Variants in MYO1E observed in about 807,000 individuals in gnomAD.
MYO1E encodes the protein unconventional myosin-Ie.
MYO1E carries 68 observed loss-of-function variants against 151.1 expected under a neutral mutation model. That is an observed-to-expected ratio of 0.45 (90% CI 0.37 to 0.55). The LOEUF (loss-of-function observed/expected upper bound fraction) is 0.55, where lower values mean the gene tolerates loss of function less well. Ranked by LOEUF, MYO1E falls within the 20% of genes least tolerant of loss-of-function variation. The probability of loss-of-function intolerance (pLI) is 0.00; values close to 1 mark genes in which losing one functional copy is unlikely to be tolerated. For missense variants in MYO1E, 1,363 were observed against 1,389.3 expected, an observed-to-expected ratio of 0.98 and a Z score of 0.30; for synonymous variants, 601 against 501.7, an observed-to-expected ratio of 1.20 and a Z score of -2.64.
At chr15:59,153,950 T>C (rs115074977) in intron 25 of MYO1E, among the ~76,000 whole-genome samples, 159 bp from the exon 26 acceptor site, 310 of 152,296 alleles carry the variant, frequency 2.0e-3, no homozygotes, top group African/African-American at 6.7e-3. Context: ...TGCTAACACA[T>C]TGTGAGAATT....
At chr15:59,337,776 G>C (rs766414161) in intron 1 of MYO1E, among the ~76,000 whole-genome samples, 2 of 152,174 alleles carry the variant, frequency 1.3e-5, no homozygotes, top group Non-Finnish European at 2.9e-5. Flanking sequence ...AGGTTGCAGT[G>C]AGCTGGGATC....
At chr15:59,364,217 C>T (rs1404810244) in intron 1 of MYO1E, among the ~76,000 whole-genome samples, 1 of 152,228 alleles carries the variant, frequency 6.6e-6, no homozygotes, top group Non-Finnish European at 1.5e-5. Flanking sequence ...ACCTAGAGGT[C>T]TGAGTACCCA....
chr15:59,254,745 A>T (rs1204954989), intron 4 of MYO1E, among the ~76,000 whole-genome samples: 3 of 152,208 alleles, frequency 2.0e-5, no homozygotes, highest in Non-Finnish European at 2.9e-5. Context: ...GTATGATAAG[A>T]TTGTGAACTG....
chr15:59,328,124 GA>G (rs2080676917), intron 1 of MYO1E, among the ~76,000 whole-genome samples: 1 of 152,238 alleles, frequency 6.6e-6, no homozygotes, highest in Admixed American at 6.5e-5. Flanking sequence ...CTGGGTGGCA[GA>G]GGTGTCAGCA....
At chr15:59,170,570 G>T (rs1478126158) in intron 22 of MYO1E, among the ~76,000 whole-genome samples, 1 of 151,508 alleles carries the variant, frequency 6.6e-6, no homozygotes, top group African/African-American at 2.4e-5. Flanking sequence ...CAGAAAATCA[G>T]TCAGCGCCTA....
At chr15:59,293,604 T>C (rs1254638889) in intron 1 of MYO1E, among the ~76,000 whole-genome samples, 2 of 152,058 alleles carry the variant, frequency 1.3e-5, no homozygotes, top group Non-Finnish European at 2.9e-5. Context: ...TGTATAAAGC[T>C]AATGAAATTC....
rs779916321 is a variant in MYO1E at position 59,137,373 on chromosome 15, G to A, written c.*7C>T. On this transcript the variant is annotated 3_prime_UTR_variant, in exon 28 of 28. Transcript: ENST00000288235. ...CCTCTGCCCCATGTGTCAGAGTCAC[G>A]GGCACCTCAGATCTTGGTCACATAG... The A allele has an allele frequency of 8.1e-6, 13 of 1,613,582 alleles. No homozygotes were observed. The highest frequency in any genetic ancestry group is 3.3e-5 in the Admixed American group (2 of 59,996).
chr15:59,294,373 A>G (rs1384062232), intron 1 of MYO1E, among the ~76,000 whole-genome samples: 2 of 152,116 alleles, frequency 1.3e-5, no homozygotes, highest in African/African-American at 2.4e-5. Context: ...TTGATAAATC[A>G]CCTCTTATCT....
intron 25 of MYO1E, among the ~76,000 whole-genome samples, chr15:59,154,013 CA>C (rs1370329812): frequency 2.0e-5 from 3 of 152,168 alleles, no homozygotes; most frequent in African/African-American, 7.2e-5. Flanking sequence ...GTATAACTGA[CA>C]AATAAAATTG....
intron 27 of MYO1E, among the ~76,000 whole-genome samples, chr15:59,137,739 C>T (rs2079381737): frequency 6.6e-6 from 1 of 152,204 alleles, no homozygotes; most frequent in African/African-American, 2.4e-5. Flanking sequence ...GTGGGTGGGA[C>T]AGACCTCCCC....
At chr15:59,272,659 C>A (rs1274230963) in intron 1 of MYO1E, among the ~76,000 whole-genome samples, 3 of 152,342 alleles carry the variant, frequency 2.0e-5, no homozygotes, top group Middle Eastern at 3.4e-3. Flanking sequence ...TACCTAAGCT[C>A]ATGTGTCCCT....
intron 4 of MYO1E, among the ~76,000 whole-genome samples, chr15:59,244,423 T>C (rs1335427939): frequency 6.6e-6 from 1 of 152,254 alleles, no homozygotes; most frequent in South Asian, 2.1e-4. Context: ...TATTTCCTCA[T>C]TACACTTTCT....
chr15:59,237,969 G>A lies in MYO1E; in HGVS notation c.333-1297C>T, dbSNP rs116658364. On this transcript the variant is annotated intron_variant, in intron 4 of 27. Transcript: ENST00000288235. ...AGGCGGGAACCATCCTCTGTTCAGA[G>A]CTCATGACCTGCAAAAGTCTGAACC... is the stretch of plus-strand genomic sequence containing the variant. Among the ~76,000 whole-genome samples the A allele has an allele frequency of 4.1e-3, 618 of 152,220 alleles. 2 individuals carry two copies. The highest frequency in any genetic ancestry group is 0.017 in the Middle Eastern group (5 of 294).
intron 1 of MYO1E, among the ~76,000 whole-genome samples, chr15:59,295,386 C>A (rs1304918729): frequency 6.6e-6 from 1 of 152,010 alleles, no homozygotes; most frequent in Non-Finnish European, 1.5e-5. Flanking sequence ...ACTAGAAAGG[C>A]GGATTTGTGT....
chr15:59,347,321 T>A (rs1420015513), intron 1 of MYO1E, among the ~76,000 whole-genome samples: 6 of 152,168 alleles, frequency 3.9e-5, no homozygotes, highest in Non-Finnish European at 8.8e-5. Context: ...AACAGTTTTC[T>A]CCCAAAACCA....
chr15:59,315,495 T>C lies in MYO1E; in HGVS notation c.4-43046A>G, dbSNP rs548015701. ...GTGAAGCAAACCACTATGGCACACG[T>C]TTACCTATGTAACAAACCTGTACAT... On this transcript the variant is annotated intron_variant, in intron 1 of 27. Coordinates refer to ENST00000288235, the MANE Select transcript of MYO1E (RefSeq NM_004998.4). Among the ~76,000 whole-genome samples, 19 of 151,726 alleles carry C rather than the reference T, an allele frequency of 1.3e-4. 2 individuals are homozygous for C. In the South Asian group the frequency reaches 4.0e-3, roughly 32 times the overall value.
At chr15:59,319,572 T>TTTTTTTTTTTTTTTTTTTTTTTTTG (rs2080612582) in intron 1 of MYO1E, among the ~76,000 whole-genome samples, 1 of 135,422 alleles carries the variant, frequency 7.4e-6, no homozygotes. Context: ...TTTTTTTTTT[T>TTTTTTTTTTTTTTTTTTTTTTTTTG]TTTTTTTTTG....
At chr15:59,365,970 C>G (rs766914872) in intron 1 of MYO1E, among the ~76,000 whole-genome samples, 5 of 152,098 alleles carry the variant, frequency 3.3e-5, no homozygotes, top group Non-Finnish European at 7.4e-5. Flanking sequence ...CCCTCCTTCC[C>G]TCTTCTTCCC....
intron 1 of MYO1E, among the ~76,000 whole-genome samples, chr15:59,313,691 T>C (rs546666238): frequency 6.6e-6 from 1 of 152,340 alleles, no homozygotes; most frequent in East Asian, 1.9e-4. Context: ...TTGATTTGTG[T>C]TGGCTCTGTA....
Sources: allele counts gnomAD v4.1 joint callset (sites outside exome capture counted in the v4.1 genomes callset), GRCh38; gene constraint gnomAD v4.1.1; transcripts MANE v1.5; gene names NCBI Gene and HGNC (gene_info 2026-07-23, HGNC 2026-07-21).